AREL1: variants seen among roughly 807,000 people sequenced by gnomAD.
The protein encoded by AREL1 is apoptosis resistant E3 ubiquitin protein ligase 1.
AREL1 carries 62 observed loss-of-function variants against 99.0 expected under a neutral mutation model. The ratio of observed to expected loss-of-function variants is 0.63; its 90% CI spans 0.51 to 0.77. AREL1 has a LOEUF of 0.77. Ranked by LOEUF, AREL1 falls within the 30% of genes least tolerant of loss-of-function variation. AREL1 has a pLI of 0.00. For synonymous variants in AREL1, 380 were observed against 376.5 expected (o/e 1.01, Z -0.11); for missense variants, 879 against 1,027.6 (o/e 0.86, Z 1.98).
At chr14:74,683,186 G>A (rs2089670977) in intron 5 of AREL1, 110 bp downstream of exon 5, 1 of 759,334 alleles carries the variant, frequency 1.3e-6, no homozygotes, top group Non-Finnish European at 2.1e-6. Flanking sequence ...TGAATTTTAT[G>A]GCATGGGAAT....
chr14:74,675,786 G>C lies in AREL1; in HGVS notation c.993C>G (p.Asp331Glu). ...SSQRRPSTAV[D>E]EEDEDSPSEC... Reference sequence around the variant, plus strand: ...CAGAGGGCGAGTCTTCATCTTCCTCGTCAACAGCAGTGGATGGCCGGCGCT... The same window carrying C: ...CAGAGGGCGAGTCTTCATCTTCCTCCTCAACAGCAGTGGATGGCCGGCGCT... Residue 331 changes from aspartate (D) to glutamate (E), a missense_variant, in exon 8 of 20, where the codon GAC becomes GAG. Physicochemically the swap from Asp to Glu is conservative, Grantham distance 45. Coordinates refer to ENST00000356357, the MANE Select transcript of AREL1 (RefSeq NM_001039479.2). 1 of 1,614,130 alleles carries C rather than the reference G, an allele frequency of 6.2e-7. No individual in the cohort carries two copies. Among genetic ancestry groups the C allele is most frequent in the Non-Finnish European group, 8.5e-7 (1 of 1,180,030 alleles).
chr14:74,695,910 C>A (rs1299945285), intron 1 of AREL1, among the ~76,000 whole-genome samples: 3 of 152,218 alleles, frequency 2.0e-5, no homozygotes, highest in Non-Finnish European at 4.4e-5. Flanking sequence ...AGGGGCTCAA[C>A]ATTCTGTATC....
rs926854848 is a variant in AREL1 at position 74,675,923 on chromosome 14, G to A, written c.856C>T (p.Arg286Cys). The A allele has an allele frequency of 1.8e-5, 29 of 1,601,160 alleles. No individual in the cohort carries two copies. In the East Asian group the frequency reaches 2.5e-4, roughly 14 times the overall value. The change falls in exon 8 of 20, where the codon CGC (arginine) becomes TGC (cysteine). Residue 286 changes from arginine to cysteine, a missense_variant. Arg to Cys is a radical substitution (Grantham distance 180). Coordinates refer to ENST00000356357, the MANE Select transcript of AREL1 (RefSeq NM_001039479.2). Reference sequence around the variant, plus strand: ...CTCACGCCTGAAGTGGACACATTGCGTTCGACGATATTCTTCTCATCCTCT... The same window carrying A: ...CTCACGCCTGAAGTGGACACATTGCATTCGACGATATTCTTCTCATCCTCT... ...LSEDEKNIVERNVSTSGVSIY... is the reference protein window; with the variant it reads ...LSEDEKNIVECNVSTSGVSIY...
At position 74,672,910 on chromosome 14, in the gene AREL1, C is replaced by A; in HGVS notation, c.1343G>T (p.Arg448Leu). The A allele has an allele frequency of 6.2e-7, 1 of 1,614,144 alleles. No individual in the cohort carries two copies. The highest frequency in any genetic ancestry group is 1.1e-5 in the South Asian group (1 of 91,082). The change falls in exon 11 of 20, where the codon CGA becomes CTA. Residue 448 changes from arginine (R) to leucine (L), a missense_variant. Coordinates refer to ENST00000356357, the MANE Select transcript of AREL1 (RefSeq NM_001039479.2). ...TTTCATATGTACCTGCCGAAGCTCTCGCTGGAAAAAGTTCACCTTGTCCTG... is the reference window on the plus strand; with the variant it reads ...TTTCATATGTACCTGCCGAAGCTCTAGCTGGAAAAAGTTCACCTTGTCCTG... ...TFQDKVNFFQ[R>L]ELRQVHMKRP...
chr14:74,706,321 G>T (rs886887692), intron 1 of AREL1, among the ~76,000 whole-genome samples: 5 of 152,194 alleles, frequency 3.3e-5, no homozygotes, highest in Non-Finnish European at 7.3e-5. Context: ...CACACAGCCA[G>T]ATCTGCAGCC....
chr14:74,691,671 A>T (rs929705617), intron 2 of AREL1, among the ~76,000 whole-genome samples: 6 of 152,234 alleles, frequency 3.9e-5, no homozygotes, highest in African/African-American at 9.7e-5. Context: ...GCTTAATACT[A>T]CAGCATTTTG....
intron 5 of AREL1, among the ~76,000 whole-genome samples, chr14:74,676,987 G>C (rs2089497282): frequency 6.6e-6 from 1 of 151,756 alleles, no homozygotes. Context: ...TTTTAGTGGA[G>C]ACGGGGTTTC....
chr14:74,705,184 C>T (rs918186118), intron 1 of AREL1, among the ~76,000 whole-genome samples: 4 of 152,140 alleles, frequency 2.6e-5, no homozygotes, highest in African/African-American at 4.8e-5. Context: ...GGATTATAGG[C>T]ATGCGTCACC....
chr14:74,670,717 A>G, intron 13 of AREL1, 45 bp downstream of exon 13: 3 of 1,542,828 alleles, frequency 1.9e-6, no homozygotes, highest in Admixed American at 3.4e-5. Flanking sequence ...TAGTCTACCC[A>G]TGATAACATA....
chr14:74,685,431 A>G (rs1305432597), intron 3 of AREL1, among the ~76,000 whole-genome samples, 169 bp downstream of exon 3: 1 of 152,228 alleles, frequency 6.6e-6, no homozygotes, highest in Non-Finnish European at 1.5e-5. Flanking sequence ...TAATTGCTCA[A>G]TAAACCCAAA....
At chr14:74,686,877 G>A (rs913723474) in intron 2 of AREL1, among the ~76,000 whole-genome samples, 2 of 152,120 alleles carry the variant, frequency 1.3e-5, no homozygotes, top group African/African-American at 2.4e-5. Flanking sequence ...GCTCCCAAAA[G>A]GGTCTATTAC....
chr14:74,671,350 AGAAGGTGCG>A, intron 12 of AREL1, 49 bp downstream of exon 12: 2 of 168,092 alleles, frequency 1.2e-5, no homozygotes, highest in Non-Finnish European at 2.4e-5. Flanking sequence ...TTTTTTGTGG[AGAAGGTGCG>A]AGTGGGGAGG....
At position 74,670,850 on chromosome 14, in the gene AREL1, C is replaced by T. The variant is rs1018485619; in HGVS notation, c.1520G>A (p.Arg507His). The T allele has an allele frequency of 4.3e-6, 7 of 1,614,028 alleles. No individual in the cohort carries two copies. Among genetic ancestry groups the T allele is most frequent in the Non-Finnish European group, 5.9e-6 (7 of 1,179,974 alleles). The change falls in exon 13 of 20, where the codon CGC becomes CAC. Residue 507 changes from arginine (R) to histidine (H), a missense_variant. Coordinates refer to ENST00000356357, the MANE Select transcript of AREL1 (RefSeq NM_001039479.2). ...DEEALDWGGP[R>H]REWFELICKA... ...GCAGATTAGCTCAAACCATTCCCGG[C>T]GAGGCCCTCCCCAGTCCAGAGCTGA...
intron 2 of AREL1, among the ~76,000 whole-genome samples, chr14:74,691,674 G>A (rs142462448): frequency 2.2e-4 from 34 of 152,242 alleles, no homozygotes; most frequent in African/African-American, 7.7e-4. Context: ...TAATACTACA[G>A]CATTTTGGCT....
chr14:74,700,643 G>C (rs937819341), intron 1 of AREL1, among the ~76,000 whole-genome samples: 4 of 152,164 alleles, frequency 2.6e-5, no homozygotes, highest in Non-Finnish European at 2.9e-5. Context: ...AGCCGGGCAT[G>C]GTGGCACACG....
chr14:74,692,351 T>C (rs1458327291), intron 1 of AREL1, 23 bp from the exon 2 acceptor site: 1 of 402,128 alleles, frequency 2.5e-6, no homozygotes, highest in Non-Finnish European at 4.8e-6. Flanking sequence ...GAAAACAGGG[T>C]TAGTTGGAAT....
At chr14:74,690,264 CAA>C (rs5809676) in intron 2 of AREL1, among the ~76,000 whole-genome samples, 80 of 73,100 alleles carry the variant, frequency 1.1e-3, no homozygotes, top group East Asian at 2.7e-3. Context: ...ACCCTGTCTC[CAA>C]AAAAAAAAAA....
At chr14:74,670,454 A>C (rs1355943347) in intron 13 of AREL1, among the ~76,000 whole-genome samples, 3 of 152,224 alleles carry the variant, frequency 2.0e-5, no homozygotes, top group Non-Finnish European at 4.4e-5. Flanking sequence ...AAGATCTAGT[A>C]CAGGAATCAT....
intron 5 of AREL1, among the ~76,000 whole-genome samples, chr14:74,677,502 T>C (rs2089516571): frequency 1.1e-4 from 2 of 19,040 alleles, no homozygotes; most frequent in South Asian, 1.9e-3. Context: ...TCTCTCTCCT[T>C]TTTTTTTTTT....
Sources: gnomAD v4.1 joint callset for allele counts (sites outside exome capture counted in the v4.1 genomes callset) on GRCh38, gnomAD v4.1.1 for gene constraint, MANE v1.5 for transcripts, NCBI Gene and HGNC (gene_info 2026-07-23, HGNC 2026-07-21) for gene names.